Variants in ELMO1 observed in about 807,000 individuals in gnomAD.
The protein encoded by ELMO1 is engulfment and cell motility protein 1.
Under a neutral mutation model 98.9 loss-of-function variants are expected in ELMO1, and 26 were observed. That is an observed-to-expected ratio of 0.26 (90% CI 0.19 to 0.36). ELMO1 has a LOEUF of 0.36. Ranked by LOEUF, ELMO1 falls within the 10% of genes least tolerant of loss-of-function variation. The pLI, the probability that ELMO1 is intolerant of heterozygous loss-of-function variation, is 1.00. For synonymous variants in ELMO1, 346 were observed against 346.0 expected (o/e 1.00, Z 0.00); for missense variants, 627 against 935.2 (o/e 0.67, Z 4.30).
chr7:37,391,904 AGT>A (rs1803094166), intron 1 of ELMO1, among the ~76,000 whole-genome samples: 1 of 152,236 alleles, frequency 6.6e-6, no homozygotes. Context: ...CCTGTAGGGA[AGT>A]GTGTGTACCC....
intron 15 of ELMO1, among the ~76,000 whole-genome samples, chr7:37,043,675 G>T (rs1795646964): frequency 6.6e-6 from 1 of 152,224 alleles, no homozygotes; most frequent in Non-Finnish European, 1.5e-5. Flanking sequence ...AAATCAGAGT[G>T]TGAGCCAGAA....
At chr7:37,228,908 C>T (rs1002156124) in intron 8 of ELMO1, among the ~76,000 whole-genome samples, 1 of 152,104 alleles carries the variant, frequency 6.6e-6, no homozygotes, top group Non-Finnish European at 1.5e-5. Context: ...AGGAGAATCG[C>T]GTGAACCCAG....
At chr7:37,180,125 A>G (rs1449193466) in intron 13 of ELMO1, among the ~76,000 whole-genome samples, 1 of 152,152 alleles carries the variant, frequency 6.6e-6, no homozygotes, top group African/African-American at 2.4e-5. Context: ...TTGAAGCCAT[A>G]AACCTCCCAT....
chr7:36,945,803 T>C (rs1787429363), intron 16 of ELMO1, among the ~76,000 whole-genome samples: 1 of 152,132 alleles, frequency 6.6e-6, no homozygotes, highest in South Asian at 2.1e-4. Context: ...CAGTCTAGAG[T>C]GACTGTATCT....
intron 13 of ELMO1, among the ~76,000 whole-genome samples, chr7:37,146,114 A>G (rs901470914): frequency 6.6e-6 from 1 of 152,134 alleles, no homozygotes; most frequent in Non-Finnish European, 1.5e-5. Flanking sequence ...TGTGGTTGGG[A>G]GCCAGGCGGT....
intron 14 of ELMO1, among the ~76,000 whole-genome samples, chr7:37,106,037 T>C (rs1289174125): frequency 1.3e-5 from 2 of 152,194 alleles, no homozygotes; most frequent in Non-Finnish European, 1.5e-5. Context: ...ATGCACTTCA[T>C]CTCGATTAAC....
chr7:37,097,223 T>C (rs1000436557), intron 14 of ELMO1, among the ~76,000 whole-genome samples: 2 of 152,170 alleles, frequency 1.3e-5, no homozygotes, highest in Admixed American at 6.5e-5. Flanking sequence ...ATCACAGTCC[T>C]TCCCTGAGAC....
Position 37,155,495 on chromosome 7 carries a change from A to T in ELMO1, c.1087-22261T>A, listed in dbSNP as rs866535794. On this transcript the variant is annotated intron_variant, in intron 13 of 21. Transcript: ENST00000310758. ...AAGAAGCAAACGGAAAGCAAAAAAA[A>T]AAAAAAAAAAAAAGCAGGTGTTGCA... Among the ~76,000 whole-genome samples the T allele has an allele frequency of 3.5e-4, 44 of 125,880 alleles. 1 individual carries two copies. The highest frequency in any genetic ancestry group is 1.2e-3 in the South Asian group (4 of 3,230). The allele number at this position is 125,880 out of a possible 152,430, so 82.6% of individuals were successfully genotyped here.
At chr7:36,913,281 G>C (rs1784461040) in intron 16 of ELMO1, among the ~76,000 whole-genome samples, 1 of 152,180 alleles carries the variant, frequency 6.6e-6, no homozygotes, top group Admixed American at 6.5e-5. Flanking sequence ...ATCTGTTTGG[G>C]GACCCTGTTG....
chr7:37,309,570 C>A (rs564870721), intron 4 of ELMO1, among the ~76,000 whole-genome samples: 1 of 152,204 alleles, frequency 6.6e-6, no homozygotes, highest in South Asian at 2.1e-4. Flanking sequence ...AAAGGCAGCA[C>A]GAAAGGGAAT....
chr7:37,383,413 A>G (rs1200627352), intron 1 of ELMO1, among the ~76,000 whole-genome samples: 1 of 152,248 alleles, frequency 6.6e-6, no homozygotes, highest in Non-Finnish European at 1.5e-5. Flanking sequence ...ATGCTATATC[A>G]GAGGGCATAT....
At chr7:37,425,447 C>T (rs1804658854) in intron 1 of ELMO1, among the ~76,000 whole-genome samples, 1 of 152,178 alleles carries the variant, frequency 6.6e-6, no homozygotes, top group African/African-American at 2.4e-5. Context: ...ACATTCAGTG[C>T]ATCATGATAG....
At chr7:36,977,043 G>T (rs528337275) in intron 16 of ELMO1, among the ~76,000 whole-genome samples, 1 of 152,252 alleles carries the variant, frequency 6.6e-6, no homozygotes, top group South Asian at 2.1e-4. Context: ...CTCTCTTTGT[G>T]TCTGTTTCCT....
chr7:37,290,442 A>T (rs948075974), intron 4 of ELMO1, among the ~76,000 whole-genome samples: 5 of 152,204 alleles, frequency 3.3e-5, no homozygotes, highest in African/African-American at 2.4e-5. Flanking sequence ...TGATAAATAC[A>T]TCTCAGTGTA....
chr7:37,228,365 C>A (rs1297277351), intron 8 of ELMO1, among the ~76,000 whole-genome samples: 2 of 152,148 alleles, frequency 1.3e-5, no homozygotes, highest in African/African-American at 4.8e-5. Context: ...CTTTATCCCC[C>A]AAAAGAGTAA....
intron 13 of ELMO1, among the ~76,000 whole-genome samples, chr7:37,193,610 A>C (rs1791783475): frequency 6.6e-6 from 1 of 152,078 alleles, no homozygotes; most frequent in South Asian, 2.1e-4. Context: ...GCACACTCAT[A>C]CTCAGCACTA....
intron 15 of ELMO1, among the ~76,000 whole-genome samples, chr7:37,090,652 C>A (rs1784033303): frequency 6.6e-6 from 1 of 152,212 alleles, no homozygotes; most frequent in Non-Finnish European, 1.5e-5. Flanking sequence ...TGCCTGATAT[C>A]TCTTTGTCTT....
At chr7:37,174,760 T>C (rs1473096311) in intron 13 of ELMO1, among the ~76,000 whole-genome samples, 3 of 151,878 alleles carry the variant, frequency 2.0e-5, no homozygotes, top group African/African-American at 7.3e-5. Flanking sequence ...CAAGGAGAGG[T>C]CAATATCAAG....
intron 4 of ELMO1, among the ~76,000 whole-genome samples, chr7:37,297,148 C>T (rs1255655921): frequency 6.6e-6 from 1 of 152,144 alleles, no homozygotes; most frequent in Non-Finnish European, 1.5e-5. Flanking sequence ...AGCCTGGCAT[C>T]TTAATAATAA....
Sources: gnomAD v4.1 joint callset for allele counts (sites outside exome capture counted in the v4.1 genomes callset) on GRCh38, gnomAD v4.1.1 for gene constraint, MANE v1.5 for transcripts, NCBI Gene and HGNC (gene_info 2026-07-23, HGNC 2026-07-21) for gene names.